The following CSMD1 variants were observed in gnomAD, a reference collection of about 807,000 sequenced individuals.
CSMD1 encodes CUB and Sushi multiple domains 1.
Under a neutral mutation model 417.5 loss-of-function variants are expected in CSMD1, and 213 were observed. The observed-to-expected ratio is 0.51, with a 90% confidence interval of 0.46 to 0.57. The LOEUF (loss-of-function observed/expected upper bound fraction) is 0.57, where lower values mean the gene tolerates loss of function less well. CSMD1 is among the 20% of genes least tolerant of loss of function. The pLI, the probability that CSMD1 is intolerant of heterozygous loss-of-function variation, is 0.00. For missense variants in CSMD1, 6,923 were observed against 4,529.7 expected (o/e 1.53, Z -15.17); for synonymous variants, 2,862 against 1,736.8 (o/e 1.65, Z -16.11).
At chr8:3,651,715 T>G (rs1445380678) in intron 7 of CSMD1, among the ~76,000 whole-genome samples, 1 of 147,330 alleles carries the variant, frequency 6.8e-6, no homozygotes, top group East Asian at 2.1e-4. Flanking sequence ...ACCATCACAG[T>G]GCTTACCAGC....
chr8:3,541,730 T>G (rs905294642), intron 10 of CSMD1, among the ~76,000 whole-genome samples: 5 of 145,628 alleles, frequency 3.4e-5, no homozygotes, highest in Non-Finnish European at 6.0e-5. Flanking sequence ...AATTAAAAAT[T>G]ATAAAATATT....
chr8:4,551,048 A>G (rs978588590), intron 2 of CSMD1, among the ~76,000 whole-genome samples: 3 of 152,180 alleles, frequency 2.0e-5, no homozygotes, highest in African/African-American at 7.2e-5. Flanking sequence ...GTCCTTGACA[A>G]CAAATTCTCA....
chr8:4,456,058 CCAAA>C (rs1270211390), intron 2 of CSMD1, among the ~76,000 whole-genome samples: 4 of 48,828 alleles, frequency 8.2e-5, no homozygotes, highest in African/African-American at 3.6e-4. Context: ...CTATCATTGA[CCAAA>C]AAAAAAAAAA....
intron 7 of CSMD1, among the ~76,000 whole-genome samples, chr8:3,665,846 ATTTATG>A (rs1798664668): frequency 6.6e-6 from 1 of 152,100 alleles, no homozygotes; most frequent in Non-Finnish European, 1.5e-5. Context: ...AGGCTCCTGC[ATTTATG>A]ACCTCAGTGT....
At chr8:4,017,188 A>G (rs570341047) in intron 4 of CSMD1, among the ~76,000 whole-genome samples, 1 of 152,266 alleles carries the variant, frequency 6.6e-6, no homozygotes, top group East Asian at 1.9e-4. Context: ...TTCCTTCTAG[A>G]TATCTTTTTT....
At chr8:4,471,745 T>C (rs932217680) in intron 2 of CSMD1, among the ~76,000 whole-genome samples, 18 of 48,604 alleles carry the variant, frequency 3.7e-4, no homozygotes, top group Non-Finnish European at 1.3e-3. Flanking sequence ...AGAAAAGAAG[T>C]TAGACCCATT....
At chr8:4,626,058 C>G (rs538303895) in intron 2 of CSMD1, among the ~76,000 whole-genome samples, 1 of 152,214 alleles carries the variant, frequency 6.6e-6, no homozygotes, top group South Asian at 2.1e-4. Context: ...CTATCACGGA[C>G]TTGTAAGAAC....
intron 2 of CSMD1, among the ~76,000 whole-genome samples, chr8:4,528,213 G>A (rs1179217942): frequency 1.3e-5 from 2 of 152,100 alleles, no homozygotes; most frequent in African/African-American, 4.8e-5. Context: ...CCAACTTTCT[G>A]TTCCATCTTC....
At chr8:4,837,865 C>T (rs1280906907) in intron 1 of CSMD1, among the ~76,000 whole-genome samples, 2 of 151,804 alleles carry the variant, frequency 1.3e-5, no homozygotes, top group Non-Finnish European at 2.9e-5. Flanking sequence ...TTCATGTACC[C>T]CATAAATATA....
chr8:3,194,075 G>C (rs555345594), intron 33 of CSMD1, among the ~76,000 whole-genome samples: 1 of 152,070 alleles, frequency 6.6e-6, no homozygotes, highest in East Asian at 1.9e-4. Flanking sequence ...GGAAAATCAG[G>C]TTGGACAAGC....
At chr8:3,952,748 GTTATGT>G (rs1811675499) in intron 5 of CSMD1, among the ~76,000 whole-genome samples, 1 of 152,142 alleles carries the variant, frequency 6.6e-6, no homozygotes, top group Non-Finnish European at 1.5e-5. Context: ...CTTATTGTAT[GTTATGT>G]TTATTTCACT....
intron 10 of CSMD1, among the ~76,000 whole-genome samples, chr8:3,518,007 A>C (rs986811235): frequency 2.0e-5 from 3 of 152,196 alleles, no homozygotes; most frequent in Admixed American, 1.3e-4. Flanking sequence ...AGGTGAACTT[A>C]AGAAACAACT....
At chr8:3,979,920 C>A (rs1585070171) in intron 5 of CSMD1, among the ~76,000 whole-genome samples, 1 of 152,296 alleles carries the variant, frequency 6.6e-6, no homozygotes, top group East Asian at 1.9e-4. Flanking sequence ...CATAAAGACC[C>A]TTTGTCCTCA....
At chr8:3,305,554 T>C (rs1353762785) in intron 25 of CSMD1, among the ~76,000 whole-genome samples, 1 of 151,198 alleles carries the variant, frequency 6.6e-6, no homozygotes, top group Admixed American at 6.6e-5. Flanking sequence ...ATTTCCTCTC[T>C]GTCTCTAGTG....
At chr8:3,701,413 T>G (rs2624099) in intron 7 of CSMD1, among the ~76,000 whole-genome samples, 1 of 151,974 alleles carries the variant, frequency 6.6e-6, no homozygotes, top group African/African-American at 2.4e-5. Flanking sequence ...CGAAAGTCTG[T>G]CCCCGGGCTG....
At chr8:3,876,901 C>A (rs1423229963) in intron 5 of CSMD1, among the ~76,000 whole-genome samples, 2 of 152,224 alleles carry the variant, frequency 1.3e-5, no homozygotes, top group African/African-American at 4.8e-5. Flanking sequence ...CAGGCATGAT[C>A]CACTCTGTCC....
chr8:4,602,515 C>T (rs543151806), intron 2 of CSMD1, among the ~76,000 whole-genome samples: 1 of 152,194 alleles, frequency 6.6e-6, no homozygotes, highest in East Asian at 1.9e-4. Context: ...ACAATAAAAC[C>T]GTAAATATAT....
chr8:3,751,556 G>C (rs187953728), intron 6 of CSMD1, among the ~76,000 whole-genome samples: 17 of 149,786 alleles, frequency 1.1e-4, no homozygotes, highest in African/African-American at 3.9e-4. Flanking sequence ...TGTGTATAAC[G>C]TACGTACAGT....
chr8:4,554,908 G>A (rs1798022769), intron 2 of CSMD1, among the ~76,000 whole-genome samples: 1 of 152,084 alleles, frequency 6.6e-6, no homozygotes, highest in Non-Finnish European at 1.5e-5. Context: ...TCATGGATGT[G>A]GGATGCTGTC....
Sources: gnomAD v4.1 joint callset for allele counts (sites outside exome capture counted in the v4.1 genomes callset) on GRCh38, gnomAD v4.1.1 for gene constraint, MANE v1.5 for transcripts, NCBI Gene and HGNC (gene_info 2026-07-23, HGNC 2026-07-21) for gene names.